Variants in ARHGAP12 observed in about 807,000 individuals in gnomAD.
ARHGAP12 encodes rho GTPase-activating protein 12.
Under a neutral mutation model 108.6 loss-of-function variants are expected in ARHGAP12, and 64 were observed. The ratio of observed to expected loss-of-function variants is 0.59; its 90% CI spans 0.48 to 0.73. ARHGAP12 has a LOEUF of 0.73. ARHGAP12 is among the 30% of genes least tolerant of loss of function. The pLI is 0.00. For missense variants in ARHGAP12, 940 were observed against 1,005.9 expected (o/e 0.93, Z 0.89); for synonymous variants, 312 against 337.2 (o/e 0.93, Z 0.82).
chr10:31,823,369 T>TAG (rs1835485500), intron 11 of ARHGAP12, among the ~76,000 whole-genome samples: 1 of 151,978 alleles, frequency 6.6e-6, no homozygotes, highest in Admixed American at 6.6e-5. Context: ...AAAGGCTCAC[T>TAG]AGATTTTTGG....
rs71027040 is a variant in ARHGAP12, at chr10:31,920,449, C to CAAAAAAAAAA, written c.-111+8224_-111+8233dup. On this transcript the variant is annotated intron_variant, in intron 1 of 19. Coordinates refer to ENST00000344936, the MANE Select transcript of ARHGAP12 (RefSeq NM_018287.7). ...TAGGCGACAGAGTGAGACTCCGTCT[C>CAAAAAAAAAA]AAAAAAAAAAAAAAAAAAAAAAGAA... is the stretch of plus-strand genomic sequence containing the variant. Among the ~76,000 whole-genome samples, 267 of 59,510 alleles carry CAAAAAAAAAA rather than the reference C, an allele frequency of 4.5e-3. 21 individuals are homozygous for CAAAAAAAAAA. The highest frequency in any genetic ancestry group is 0.014 in the African/African-American group (184 of 13,448). The allele number at this position is 59,510 out of a possible 152,430, so 39.0% of individuals were successfully genotyped here. A position where few individuals can be genotyped will look rare whatever the true frequency, so the allele number is the denominator to read the frequency against.
chr10:31,852,729 CTTTTTTTTTTTTTT>C (rs398013156), intron 5 of ARHGAP12, 132 bp from the exon 6 acceptor site: 2 of 230,362 alleles, frequency 8.7e-6, no homozygotes, highest in South Asian at 3.6e-5. Flanking sequence ...ACAAAAAATT[CTTTTTTTTTTTTTT>C]TTTTTTTTTG....
intron 3 of ARHGAP12, among the ~76,000 whole-genome samples, chr10:31,880,473 CA>C (rs201422943): frequency 1.4e-5 from 2 of 146,300 alleles, no homozygotes; most frequent in Non-Finnish European, 3.0e-5. Context: ...ACAACAATAA[CA>C]AAAAAAAACA....
In ARHGAP12 at chr10:31,815,303, G is replaced by A. The variant is rs528035474; in HGVS notation, c.1732-942C>T. Among the ~76,000 whole-genome samples, 73 of 152,206 alleles carry A rather than the reference G, an allele frequency of 4.8e-4. 1 individual carries two copies. The highest frequency in any genetic ancestry group is 3.4e-3 in the Middle Eastern group (1 of 294). On this transcript the variant is annotated intron_variant, in intron 13 of 19. Coordinates refer to ENST00000344936, the MANE Select transcript of ARHGAP12 (RefSeq NM_018287.7). Reference sequence around the variant, plus strand: ...TATTTTTGTGGATGGTTTAAGGAAGGGTTCCAGTTTTTTCTTGGATTCCCA... The same window carrying A: ...TATTTTTGTGGATGGTTTAAGGAAGAGTTCCAGTTTTTTCTTGGATTCCCA...
Position 31,831,818 on chromosome 10 carries a change from A to C in ARHGAP12, c.1387-18T>G, listed in dbSNP as rs1835844438. 2.0e-6 allele frequency: 3 copies of C among 1,468,708 alleles called. No individual in the cohort carries two copies. The highest frequency in any genetic ancestry group is 2.8e-6 in the Non-Finnish European group (3 of 1,067,074). The allele number at this position is 1,468,708 out of a possible 1,614,324, so 91.0% of individuals were successfully genotyped here. A position where few individuals can be genotyped will look rare whatever the true frequency, so the allele number is the denominator to read the frequency against. On this transcript the variant is annotated intron_variant, in intron 9 of 19. Transcript: ENST00000344936. ...TCTTGATCCTATGGAACAGAGTAAT[A>C]CTGTTTATACAATCACATAGACAAT...
At position 31,807,783 on chromosome 10, in the gene ARHGAP12, T is replaced by G. The variant is rs767333245; in HGVS notation, c.2416A>C (p.Ile806Leu). ...TTTAATAGAGTGGGACCAAAAACAA[T>G]TGCTATACTCTGATAGGTCATTCGA... is the stretch of plus-strand genomic sequence containing the variant. ...KNRMTYQSIA[I>L]VFGPTLLKPE... The change falls in exon 20 of 20, where the codon ATT becomes CTT. Residue 806 changes from isoleucine (I) to leucine (L), a missense_variant. Transcript: ENST00000344936. 6.2e-7 allele frequency: 1 copy of G among 1,605,052 alleles called. No homozygotes were observed. The highest frequency in any genetic ancestry group is 8.5e-7 in the Non-Finnish European group (1 of 1,176,248).
At chr10:31,868,809 G>T (rs1592313285) in intron 3 of ARHGAP12, among the ~76,000 whole-genome samples, 1 of 151,308 alleles carries the variant, frequency 6.6e-6, no homozygotes, top group Non-Finnish European at 1.5e-5. Context: ...CATGCCTGTG[G>T]TCCCTGCTAC....
intron 11 of ARHGAP12, among the ~76,000 whole-genome samples, chr10:31,824,582 G>A (rs745555146): frequency 8.5e-5 from 13 of 152,050 alleles, no homozygotes; most frequent in Non-Finnish European, 1.3e-4. Flanking sequence ...CTTCTACAGT[G>A]AAAACTTTAA....
intron 19 of ARHGAP12, 50 bp downstream of exon 19, chr10:31,808,599 C>A: frequency 6.5e-7 from 1 of 1,549,946 alleles, no homozygotes; most frequent in South Asian, 1.1e-5. Context: ...ACAGGCCTTC[C>A]CGCTTCCCCT....
At chr10:31,896,394 T>A (rs1019071900) in intron 3 of ARHGAP12, among the ~76,000 whole-genome samples, 6 of 151,976 alleles carry the variant, frequency 3.9e-5, no homozygotes, top group Admixed American at 3.3e-4. Flanking sequence ...ATTGCATTTT[T>A]AAAATAATAT....
intron 6 of ARHGAP12, among the ~76,000 whole-genome samples, chr10:31,848,521 C>T (rs192412472): frequency 9.1e-4 from 139 of 152,212 alleles, no homozygotes; most frequent in African/African-American, 3.1e-3. Flanking sequence ...ATATAGAAAA[C>T]TTTCAACTCA....
At chr10:31,823,589 T>C (rs952179797) in intron 11 of ARHGAP12, among the ~76,000 whole-genome samples, 1 of 152,078 alleles carries the variant, frequency 6.6e-6, no homozygotes, top group Non-Finnish European at 1.5e-5. Flanking sequence ...CTGGAGTGAG[T>C]AGAAGATTTG....
chr10:31,851,496 T>C (rs1836678843), intron 6 of ARHGAP12, among the ~76,000 whole-genome samples: 2 of 152,164 alleles, frequency 1.3e-5, no homozygotes, highest in African/African-American at 2.4e-5. Context: ...ATTACAAAAC[T>C]GTAAAAGCTG....
intron 3 of ARHGAP12, among the ~76,000 whole-genome samples, chr10:31,895,138 T>C (rs1838624200): frequency 6.6e-6 from 1 of 152,114 alleles, no homozygotes; most frequent in Non-Finnish European, 1.5e-5. Flanking sequence ...CCTAAAACCA[T>C]AAAAACCCTA....
chr10:31,848,432 A>T (rs1005559660), intron 6 of ARHGAP12, among the ~76,000 whole-genome samples: 19 of 152,198 alleles, frequency 1.2e-4, no homozygotes, highest in African/African-American at 4.6e-4. Flanking sequence ...AATTTTAGAA[A>T]ATTCCTAGAA....
intron 3 of ARHGAP12, among the ~76,000 whole-genome samples, chr10:31,887,448 T>C (rs1838229101): frequency 6.6e-6 from 1 of 152,150 alleles, no homozygotes. Context: ...CCATCACAAG[T>C]TCACCCCTTG....
chr10:31,857,231 A>T (rs1401444570), intron 4 of ARHGAP12, among the ~76,000 whole-genome samples: 1 of 152,236 alleles, frequency 6.6e-6, no homozygotes, highest in Non-Finnish European at 1.5e-5. Flanking sequence ...GATACATGGC[A>T]TATAATGTTC....
intron 3 of ARHGAP12, among the ~76,000 whole-genome samples, chr10:31,888,008 G>C (rs76518178): frequency 8.4e-4 from 128 of 152,150 alleles, no homozygotes; most frequent in Non-Finnish European, 1.6e-3. Context: ...ACAAAGTCTG[G>C]ATCTTCAAAA....
At position 31,814,256 on chromosome 10, in the gene ARHGAP12, T is replaced by A; in HGVS notation, c.1834+3A>T. 1 of 1,612,652 alleles carries A rather than the reference T, an allele frequency of 6.2e-7. No individual in the cohort carries two copies. Among genetic ancestry groups the A allele is most frequent in the Non-Finnish European group, 8.5e-7 (1 of 1,178,726 alleles). On this transcript the variant is annotated splice_donor_region_variant and intron_variant, in intron 14 of 19. Transcript: ENST00000344936. Reference sequence around the variant, plus strand: ...TTAGCAAAATAGGGAAAGGACAACTTACAACGAAGCTTTTTGGGATCCTTT... The same window carrying A: ...TTAGCAAAATAGGGAAAGGACAACTAACAACGAAGCTTTTTGGGATCCTTT...
Sources: allele counts gnomAD v4.1 joint callset (sites outside exome capture counted in the v4.1 genomes callset), GRCh38; gene constraint gnomAD v4.1.1; transcripts MANE v1.5; gene names NCBI Gene and HGNC (gene_info 2026-07-23, HGNC 2026-07-21).